The following ASIC2 variants were observed in gnomAD, a reference collection of about 807,000 sequenced individuals.
ASIC2 encodes acid-sensing ion channel 2.
A neutral mutation model predicts 57.3 loss-of-function variants in ASIC2; 25 were observed. The ratio of observed to expected loss-of-function variants is 0.44; its 90% CI spans 0.32 to 0.61. The LOEUF is 0.61. ASIC2 is among the 20% of genes least tolerant of loss of function. ASIC2 has a pLI of 0.06. For synonymous variants in ASIC2, 319 were observed against 307.5 expected (o/e 1.04, Z -0.39); for missense variants, 641 against 738.1 (o/e 0.87, Z 1.52).
In ASIC2 at chr17:33,417,326, A is replaced by C. The variant is rs151035073; in HGVS notation, c.556-305259T>G. ...CGTCTGTCTATAATTGAATGCTTCC[A>C]GTGATGGCAAAATCAAGACTTCCTG... On this transcript the variant is annotated intron_variant, in intron 1 of 9. Coordinates refer to the ASIC2 transcript ENST00000359872. Among the ~76,000 whole-genome samples, 100 of 152,318 alleles carry C rather than the reference A, an allele frequency of 6.6e-4. 1 individual carries two copies. Among genetic ancestry groups the C allele is most frequent in the African/African-American group, 2.3e-3 (96 of 41,572 alleles).
intron 1 of ASIC2, among the ~76,000 whole-genome samples, chr17:33,756,291 A>G (rs1049060427): frequency 2.0e-5 from 3 of 152,212 alleles, no homozygotes; most frequent in Non-Finnish European, 4.4e-5. Context: ...CACCTGCAGG[A>G]CTTTCCAAAC....
At chr17:33,406,740 T>G (rs1295587692) in intron 1 of ASIC2, among the ~76,000 whole-genome samples, 2 of 152,196 alleles carry the variant, frequency 1.3e-5, no homozygotes, top group Non-Finnish European at 2.9e-5. Context: ...TGAGGAGTAC[T>G]TATTAAGACC....
chr17:33,516,656 C>T (rs1914581752), intron 1 of ASIC2, among the ~76,000 whole-genome samples: 1 of 152,136 alleles, frequency 6.6e-6, no homozygotes, highest in African/African-American at 2.4e-5. Context: ...AACGGAACAA[C>T]TGGTGTTGGG....
Position 33,703,185 on chromosome 17 carries a change from C to T in ASIC2, c.555+452793G>A, listed in dbSNP as rs188280176. ...TGGAAAGAACCTCAGGATACATGGA[C>T]GCCTAGAACAGAGTGAGCAAGGGGG... On this transcript the variant is annotated intron_variant, in intron 1 of 9. Coordinates refer to the ASIC2 transcript ENST00000359872. Among the ~76,000 whole-genome samples, 106 of 152,280 alleles carry T rather than the reference C, an allele frequency of 7.0e-4. 1 individual carries two copies. Among genetic ancestry groups the T allele is most frequent in the Middle Eastern group, 3.4e-3 (1 of 294 alleles).
intron 1 of ASIC2, among the ~76,000 whole-genome samples, chr17:33,257,856 G>A (rs1445393641): frequency 6.6e-6 from 1 of 152,214 alleles, no homozygotes; most frequent in Non-Finnish European, 1.5e-5. Flanking sequence ...GTACTTCCTA[G>A]CTGGGTAACC....
chr17:34,085,561 T>C (rs560382419), intron 1 of ASIC2, among the ~76,000 whole-genome samples: 7 of 152,308 alleles, frequency 4.6e-5, no homozygotes, highest in Non-Finnish European at 8.8e-5. Flanking sequence ...ATAAAATGAG[T>C]TGGGGAGAAT....
At chr17:33,671,525 G>A (rs905025438) in intron 1 of ASIC2, among the ~76,000 whole-genome samples, 2 of 152,152 alleles carry the variant, frequency 1.3e-5, no homozygotes, top group Admixed American at 6.5e-5. Context: ...ATGGGATATG[G>A]GAAAGACAAG....
intron 1 of ASIC2, among the ~76,000 whole-genome samples, chr17:33,787,067 C>T (rs1488209132): frequency 6.6e-6 from 1 of 152,172 alleles, no homozygotes; most frequent in Non-Finnish European, 1.5e-5. Context: ...TGGGTACTTC[C>T]AAAGTACTTG....
chr17:33,715,701 G>A (rs1909195451), intron 1 of ASIC2, among the ~76,000 whole-genome samples: 1 of 152,204 alleles, frequency 6.6e-6, no homozygotes, highest in Non-Finnish European at 1.5e-5. Flanking sequence ...TCTGTGAGAT[G>A]TCACTATCCC....
rs549856567 is a variant in ASIC2, at chr17:33,254,676, G to T, written c.708+36732C>A. Among the ~76,000 whole-genome samples the T allele has an allele frequency of 7.9e-5, 12 of 152,070 alleles. No individual in the cohort carries two copies. In the East Asian group the frequency reaches 2.3e-3, roughly 29 times the overall value. On this transcript the variant is annotated intron_variant, in intron 1 of 9. Transcript: ENST00000225823. ...CCTGATTGTCTCTCCCACTTTGTAG[G>T]CATGTAAAACCTAACCTAACTTAAA... is the stretch of plus-strand genomic sequence containing the variant.
At position 34,008,142 on chromosome 17, in the gene ASIC2, C is replaced by T. The variant is rs115457547; in HGVS notation, c.555+147836G>A. 3.5e-3 allele frequency among the ~76,000 whole-genome samples: 538 copies of T among 152,320 alleles called. 7 individuals are homozygous for T. Among genetic ancestry groups the T allele is most frequent in the African/African-American group, 0.012 (499 of 41,568 alleles). On this transcript the variant is annotated intron_variant, in intron 1 of 9. Transcript: ENST00000359872. ...TTTTATTCATCCCATTTTACTGATG[C>T]ATACATTTAACCATTCTCCAAATGC...
intron 1 of ASIC2, among the ~76,000 whole-genome samples, chr17:33,693,259 A>G (rs1238928747): frequency 6.6e-6 from 1 of 152,246 alleles, no homozygotes; most frequent in African/African-American, 2.4e-5. Flanking sequence ...TTGTTTCAAA[A>G]ACAATCTGTT....
At chr17:33,220,822 C>T (rs761109313) in intron 1 of ASIC2, among the ~76,000 whole-genome samples, 1 of 152,112 alleles carries the variant, frequency 6.6e-6, no homozygotes, top group Non-Finnish European at 1.5e-5. Context: ...AATCCCAGTA[C>T]TTTGGGGGGC....
chr17:33,029,673 G>A (rs1334701736), intron 3 of ASIC2, among the ~76,000 whole-genome samples: 1 of 152,230 alleles, frequency 6.6e-6, no homozygotes, highest in African/African-American at 2.4e-5. Context: ...TGGTTTGTAA[G>A]ATAGGTATAG....
intron 1 of ASIC2, among the ~76,000 whole-genome samples, chr17:33,714,806 CTTTTTTTT>C (rs11323251): frequency 3.2e-5 from 4 of 124,108 alleles, no homozygotes; most frequent in Admixed American, 8.3e-5. Flanking sequence ...ATTCTGTGAC[CTTTTTTTT>C]TTTTTTTTTT....
chr17:33,410,435 GA>G (rs552380057), intron 1 of ASIC2, among the ~76,000 whole-genome samples: 40 of 152,256 alleles, frequency 2.6e-4, no homozygotes, highest in African/African-American at 8.4e-4. Flanking sequence ...TTTGAATTGG[GA>G]AAAAAATTAA....
chr17:33,900,388 C>G (rs566939346), intron 1 of ASIC2, among the ~76,000 whole-genome samples: 1 of 152,058 alleles, frequency 6.6e-6, no homozygotes, highest in Non-Finnish European at 1.5e-5. Flanking sequence ...CAGTGGAGCA[C>G]GTAATTGTAA....
At chr17:33,871,666 C>T (rs558861872) in intron 1 of ASIC2, among the ~76,000 whole-genome samples, 1 of 152,012 alleles carries the variant, frequency 6.6e-6, no homozygotes, top group Non-Finnish European at 1.5e-5. Context: ...AAGGTGGGGA[C>T]CTTTGTGTCC....
In ASIC2 at chr17:33,604,295, C is replaced by A. The variant is rs541326658; in HGVS notation, c.556-492228G>T. On this transcript the variant is annotated intron_variant, in intron 1 of 9. Transcript: ENST00000359872. ...TGAGGCTTCCTCCTATAGGAACTTCCTGGATTCTGTTGAAAGGAGAAAGGA... is the reference window on the plus strand; with the variant it reads ...TGAGGCTTCCTCCTATAGGAACTTCATGGATTCTGTTGAAAGGAGAAAGGA... Among the ~76,000 whole-genome samples, 71 of 152,308 alleles carry A rather than the reference C, an allele frequency of 4.7e-4. No individual in the cohort carries two copies. The Middle Eastern group carries it at 0.01, about 22-fold the overall frequency.
Sources: gnomAD v4.1 joint callset for allele counts (sites outside exome capture counted in the v4.1 genomes callset) on GRCh38, gnomAD v4.1.1 for gene constraint, MANE v1.5 for transcripts, NCBI Gene and HGNC (gene_info 2026-07-23, HGNC 2026-07-21) for gene names.